CNTNAP5: variants seen among roughly 807,000 people sequenced by gnomAD.
CNTNAP5 encodes the protein contactin-associated protein-like 5.
CNTNAP5 carries 72 observed loss-of-function variants against 150.2 expected under a neutral mutation model. The ratio of observed to expected loss-of-function variants is 0.48; its 90% CI spans 0.40 to 0.58. CNTNAP5 has a LOEUF of 0.58. CNTNAP5 is among the 20% of genes least tolerant of loss of function. CNTNAP5 has a pLI of 0.00. For missense variants in CNTNAP5, 1,636 were observed against 1,626.2 expected (o/e 1.01, Z -0.10); for synonymous variants, 672 against 619.8 (o/e 1.08, Z -1.25).
chr2:124,837,307 A>G (rs905344526), intron 19 of CNTNAP5, among the ~76,000 whole-genome samples: 2 of 152,172 alleles, frequency 1.3e-5, no homozygotes, highest in Non-Finnish European at 2.9e-5. Flanking sequence ...TTTAGAAGGA[A>G]AAATGTGGCT....
In CNTNAP5 at chr2:124,786,532, AG is replaced by A. The variant is rs1325452359; in HGVS notation, c.2753-3368del. Among the ~76,000 whole-genome samples, 8 of 146,782 alleles carry A rather than the reference AG, an allele frequency of 5.5e-5. 1 individual carries two copies. Among genetic ancestry groups the A allele is most frequent in the African/African-American group, 2.2e-4 (8 of 36,740 alleles). On this transcript the variant is annotated intron_variant, in intron 17 of 23. Transcript: ENST00000682447. ...AAAAGAAAGAAAGAAAGAGAAAGAA[AG>A]GAAAGAAAGAGAAAGGAAAGAAAGA...
chr2:124,523,962 G>C (rs1342516237), intron 8 of CNTNAP5, among the ~76,000 whole-genome samples: 1 of 144,352 alleles, frequency 6.9e-6, no homozygotes, highest in Admixed American at 6.9e-5. Context: ...GTTTATTTTT[G>C]TTTTTTTTTT....
intron 11 of CNTNAP5, among the ~76,000 whole-genome samples, chr2:124,573,577 A>G (rs539968882): frequency 6.6e-6 from 1 of 152,372 alleles, no homozygotes; most frequent in African/African-American, 2.4e-5. Flanking sequence ...CCATTGGAGA[A>G]TCATTGATAT....
At chr2:124,344,685 G>A (rs1042136810) in intron 3 of CNTNAP5, among the ~76,000 whole-genome samples, 4 of 152,142 alleles carry the variant, frequency 2.6e-5, no homozygotes, top group African/African-American at 4.8e-5. Context: ...GGGCCCAGAA[G>A]TTGGAGGTTA....
intron 19 of CNTNAP5, among the ~76,000 whole-genome samples, chr2:124,835,215 A>G (rs2104685869): frequency 6.6e-6 from 1 of 152,116 alleles, no homozygotes; most frequent in Admixed American, 6.6e-5. Flanking sequence ...GTATTAGATT[A>G]TGTAGTTTGT....
intron 1 of CNTNAP5, among the ~76,000 whole-genome samples, chr2:124,110,634 C>T (rs970770099): frequency 6.6e-6 from 1 of 152,164 alleles, no homozygotes; most frequent in Non-Finnish European, 1.5e-5. Flanking sequence ...CCTTCCACCT[C>T]TCCTGAGAGA....
chr2:124,184,840 T>C (rs943756298), intron 1 of CNTNAP5, among the ~76,000 whole-genome samples: 1 of 152,158 alleles, frequency 6.6e-6, no homozygotes, highest in Non-Finnish European at 1.5e-5. Flanking sequence ...AACCATACTT[T>C]AAACTGGGAA....
intron 3 of CNTNAP5, among the ~76,000 whole-genome samples, chr2:124,370,608 T>C (rs558256262): frequency 1.3e-5 from 2 of 152,182 alleles, no homozygotes; most frequent in South Asian, 4.1e-4. Flanking sequence ...GAACGGTAAA[T>C]TAGGGAAATA....
rs71387244 is a variant in CNTNAP5, at chr2:124,809,380, GTATTTATTTATTTATT to G, written c.3217+11089_3217+11104del. 4.5e-4 allele frequency among the ~76,000 whole-genome samples: 65 copies of G among 145,012 alleles called. 1 individual carries two copies. The highest frequency in any genetic ancestry group is 1.1e-3 in the South Asian group (5 of 4,488). On this transcript the variant is annotated intron_variant, in intron 19 of 23. Transcript: ENST00000682447. ...TATAAACCCATAAAACAATAATATG[GTATTTATTTATTTATT>G]TATTTATTTATTTATTTATTTATTT...
At chr2:124,209,412 C>T (rs1311283211) in intron 1 of CNTNAP5, among the ~76,000 whole-genome samples, 1 of 152,162 alleles carries the variant, frequency 6.6e-6, no homozygotes, top group Non-Finnish European at 1.5e-5. Flanking sequence ...ATAAAGAAAG[C>T]ATTTAGAAAT....
chr2:124,887,818 G>A (rs907014331), intron 21 of CNTNAP5, among the ~76,000 whole-genome samples: 3 of 152,108 alleles, frequency 2.0e-5, no homozygotes, highest in Non-Finnish European at 4.4e-5. Flanking sequence ...GTAAAGTCAG[G>A]CAGTGGAGGT....
chr2:124,305,681 G>A (rs1688671290), intron 3 of CNTNAP5, among the ~76,000 whole-genome samples: 1 of 152,120 alleles, frequency 6.6e-6, no homozygotes, highest in Admixed American at 6.5e-5. Context: ...TTATAAAAGT[G>A]AGTTTGGCCA....
In CNTNAP5 at chr2:124,780,138, C is replaced by T. The variant is rs566767177; in HGVS notation, c.2752+7121C>T. Among the ~76,000 whole-genome samples, 5 of 152,258 alleles carry T rather than the reference C, an allele frequency of 3.3e-5. No homozygotes were observed. The East Asian group carries it at 9.7e-4, about 29-fold the overall frequency. On this transcript the variant is annotated intron_variant, in intron 17 of 23. Transcript: ENST00000682447. ...TCAGTTATTCCATCTGCCCACTGGGCTTAATAATAATCAATAGCTTGCAAA... is the reference window on the plus strand; with the variant it reads ...TCAGTTATTCCATCTGCCCACTGGGTTTAATAATAATCAATAGCTTGCAAA...
intron 1 of CNTNAP5, among the ~76,000 whole-genome samples, chr2:124,096,141 A>C (rs1011062953): frequency 8.5e-5 from 13 of 152,126 alleles, no homozygotes; most frequent in African/African-American, 3.1e-4. Flanking sequence ...ATTACACCCC[A>C]CTATTGCCTC....
At chr2:124,097,602 G>A (rs1239843189) in intron 1 of CNTNAP5, among the ~76,000 whole-genome samples, 1 of 152,122 alleles carries the variant, frequency 6.6e-6, no homozygotes, top group Non-Finnish European at 1.5e-5. Flanking sequence ...GGAATGAGCT[G>A]GCCCTTTGTC....
intron 1 of CNTNAP5, among the ~76,000 whole-genome samples, chr2:124,066,108 G>A (rs1682144799): frequency 6.6e-6 from 1 of 152,094 alleles, no homozygotes; most frequent in African/African-American, 2.4e-5. Context: ...CTGACACTGG[G>A]TATTGGTTCA....
At chr2:124,037,992 A>C (rs1290786226) in intron 1 of CNTNAP5, among the ~76,000 whole-genome samples, 1 of 152,228 alleles carries the variant, frequency 6.6e-6, no homozygotes, top group African/African-American at 2.4e-5. Context: ...CAAGGTAATT[A>C]TTGGATGCAT....
chr2:124,542,795 C>T (rs11888767), intron 10 of CNTNAP5, among the ~76,000 whole-genome samples: 63,397 of 151,976 alleles, frequency 0.42, 13,712 homozygotes, highest in East Asian at 0.64. Context: ...AGCTGAGACA[C>T]GTGCCCTGTG....
chr2:124,127,088 G>C (rs1000933591), intron 1 of CNTNAP5, among the ~76,000 whole-genome samples: 1 of 152,054 alleles, frequency 6.6e-6, no homozygotes, highest in Admixed American at 6.6e-5. Context: ...AGAAATAAAG[G>C]GTTTTCAACT....
Sources: allele counts gnomAD v4.1 joint callset (sites outside exome capture counted in the v4.1 genomes callset), GRCh38; gene constraint gnomAD v4.1.1; transcripts MANE v1.5; gene names NCBI Gene and HGNC (gene_info 2026-07-23, HGNC 2026-07-21).